TEKT1: variants seen among roughly 807,000 people sequenced by gnomAD.
TEKT1 encodes the protein tektin 1, also known as tektin-1.
Under a neutral mutation model 34.8 loss-of-function variants are expected in TEKT1, and 32 were observed. That is an observed-to-expected ratio of 0.92 (90% CI 0.69 to 1.23). TEKT1 has a LOEUF of 1.23. Among genes scored for constraint, TEKT1 ranks in the 50% most tolerant of loss-of-function variants. The pLI is 0.00. For missense variants in TEKT1, 492 were observed against 518.5 expected, an observed-to-expected ratio of 0.95 and a Z score of 0.50; for synonymous variants, 207 against 199.8, an observed-to-expected ratio of 1.04 and a Z score of -0.30.
chr17:6,814,330 A>T (rs1976972590), intron 5 of TEKT1, among the ~76,000 whole-genome samples: 1 of 152,222 alleles, frequency 6.6e-6, no homozygotes, highest in African/African-American at 2.4e-5. Context: ...TTCTATATGT[A>T]TGTTTTATTT....
At chr17:6,823,740 C>G (rs569891816) in intron 2 of TEKT1, among the ~76,000 whole-genome samples, 2 of 151,510 alleles carry the variant, frequency 1.3e-5, no homozygotes, top group East Asian at 3.9e-4. Flanking sequence ...TTTATTTTGG[C>G]TCAGCTCTCA....
At chr17:6,819,763 C>A (rs1188477945) in intron 2 of TEKT1, among the ~76,000 whole-genome samples, 1 of 152,228 alleles carries the variant, frequency 6.6e-6, no homozygotes, top group Non-Finnish European at 1.5e-5. Context: ...TCTCTGCTCA[C>A]TGCAAGCTCT....
At chr17:6,812,402 C>G (rs1597788600) in intron 6 of TEKT1, among the ~76,000 whole-genome samples, 1 of 152,182 alleles carries the variant, frequency 6.6e-6, no homozygotes, top group East Asian at 1.9e-4. Context: ...AAGCTCCAAC[C>G]GGGTTTGGAA....
chr17:6,826,987 G>A (rs949173701), intron 2 of TEKT1, among the ~76,000 whole-genome samples: 5 of 152,196 alleles, frequency 3.3e-5, no homozygotes, highest in Non-Finnish European at 5.9e-5. Flanking sequence ...AAGCCACGGC[G>A]CCTGGCCAAG....
chr17:6,821,620 G>C (rs971462596), intron 2 of TEKT1, among the ~76,000 whole-genome samples: 1 of 152,220 alleles, frequency 6.6e-6, no homozygotes, highest in African/African-American at 2.4e-5. Context: ...TGACTTTGGA[G>C]CTGGGTTAAC....
chr17:6,831,319 C>T (rs1436490181), intron 1 of TEKT1, among the ~76,000 whole-genome samples: 1 of 152,206 alleles, frequency 6.6e-6, no homozygotes, highest in Non-Finnish European at 1.5e-5. Flanking sequence ...TGAGTCCCTG[C>T]TCTTAGGGGC....
chr17:6,808,022 G>A (rs965060695), intron 6 of TEKT1, among the ~76,000 whole-genome samples: 1 of 152,216 alleles, frequency 6.6e-6, no homozygotes, highest in Non-Finnish European at 1.5e-5. Context: ...TAAGTCTGCA[G>A]AGGATTCTGC....
rs752475109 is a variant in TEKT1 at position 6,809,330 on chromosome 17, CA to C, written c.852+3500del. ...CACTGCAACCTCTGCCTCCTAGGTT[CA>C]AGCAATTCTCCTGCCTCAGCCTCCC... On this transcript the variant is annotated intron_variant, in intron 6 of 7. Transcript: ENST00000338694. Among the ~76,000 whole-genome samples the C allele has an allele frequency of 3.4e-4, 52 of 152,290 alleles. 2 individuals carry two copies. In the East Asian group the frequency reaches 9.8e-3, roughly 29 times the overall value.
chr17:6,812,071 C>A (rs998375587), intron 6 of TEKT1, among the ~76,000 whole-genome samples: 1 of 151,962 alleles, frequency 6.6e-6, no homozygotes, highest in South Asian at 2.1e-4. Flanking sequence ...GCAGCTTCCC[C>A]CATGCTGTTC....
At chr17:6,813,461 A>T (rs1481672494) in intron 5 of TEKT1, among the ~76,000 whole-genome samples, 5 of 152,152 alleles carry the variant, frequency 3.3e-5, no homozygotes, top group Admixed American at 6.5e-5. Flanking sequence ...AGATTTAAAT[A>T]AAAAAGTGAA....
rs1237149609 is a variant in TEKT1, at chr17:6,799,920, G to A, written c.*107C>T. 4 of 1,118,754 alleles carry A rather than the reference G, an allele frequency of 3.6e-6. No individual in the cohort carries two copies. The highest frequency in any genetic ancestry group is 3.3e-5 in the South Asian group (2 of 60,880). 69.3% of individuals were successfully genotyped at this position (1,118,754 alleles called of 1,614,324 possible). A position where few individuals can be genotyped will look rare whatever the true frequency, so the allele number is the denominator to read the frequency against. On this transcript the variant is annotated 3_prime_UTR_variant, in exon 8 of 8. Coordinates refer to ENST00000338694, the MANE Select transcript of TEKT1 (RefSeq NM_053285.2). Reference sequence around the variant, plus strand: ...GCAGGCTTGGAATGCCAGCCAAGAGGTTGCAGCAGGCTGGCTAGAGGCCCC... The same window carrying A: ...GCAGGCTTGGAATGCCAGCCAAGAGATTGCAGCAGGCTGGCTAGAGGCCCC...
At chr17:6,825,110 T>C (rs1397424843) in intron 2 of TEKT1, among the ~76,000 whole-genome samples, 5 of 152,040 alleles carry the variant, frequency 3.3e-5, no homozygotes, top group Admixed American at 1.3e-4. Flanking sequence ...GCATCCATAA[T>C]AGAGAAGAGG....
intron 5 of TEKT1, among the ~76,000 whole-genome samples, chr17:6,814,470 T>C (rs77528189): frequency 0.044 from 6,757 of 152,288 alleles, 218 homozygotes; most frequent in Admixed American, 0.064. Flanking sequence ...AAGTTTACCG[T>C]ATGTGTGTGA....
chr17:6,798,458 A>G lies in TEKT1; in HGVS notation c.*1569T>C, dbSNP rs1386219893. ...TCTGCCCAGTGAGCTGGGAAGGCTT[A>G]TTTGGACTCTTCCGAGCCAGAGCAG... On this transcript the variant is annotated 3_prime_UTR_variant, in exon 8 of 8. Coordinates refer to ENST00000338694, the MANE Select transcript of TEKT1 (RefSeq NM_053285.2). 6.6e-6 allele frequency: 1 copy of G among 152,226 alleles called. No individual in the cohort carries two copies. The highest frequency in any genetic ancestry group is 2.4e-5 in the African/African-American group (1 of 41,432). The allele number at this position is 152,226 out of a possible 1,614,324, so 9.4% of individuals were successfully genotyped here.
intron 6 of TEKT1, among the ~76,000 whole-genome samples, chr17:6,801,469 G>T (rs1400144834): frequency 6.6e-6 from 1 of 152,126 alleles, no homozygotes; most frequent in Non-Finnish European, 1.5e-5. Flanking sequence ...CAGCACTTTG[G>T]GAGGCTGAGG....
intron 6 of TEKT1, among the ~76,000 whole-genome samples, chr17:6,809,222 A>C (rs1375722420): frequency 2.0e-5 from 3 of 151,944 alleles, no homozygotes; most frequent in Middle Eastern, 3.4e-3. Context: ...ACAATCTATG[A>C]GTTTTGTTTG....
intron 7 of TEKT1, 81 bp from the exon 8 acceptor site, chr17:6,800,315 C>G: frequency 7.6e-7 from 1 of 1,311,292 alleles, no homozygotes; most frequent in African/African-American, 1.5e-5. Flanking sequence ...CCCCAGTGTT[C>G]AGTGCAGGAG....
At chr17:6,826,002 C>A (rs551129825) in intron 2 of TEKT1, among the ~76,000 whole-genome samples, 2 of 152,370 alleles carry the variant, frequency 1.3e-5, no homozygotes, top group East Asian at 3.9e-4. Flanking sequence ...ATGTCTTCAA[C>A]TGTAGTCAAT....
At chr17:6,802,474 A>ATTTTATTT (rs1976787668) in intron 6 of TEKT1, among the ~76,000 whole-genome samples, 1 of 151,202 alleles carries the variant, frequency 6.6e-6, no homozygotes, top group Non-Finnish European at 1.5e-5. Flanking sequence ...TTTAAGGTGA[A>ATTTTATTT]TTTTATTTTT....
Sources: allele counts gnomAD v4.1 joint callset (sites outside exome capture counted in the v4.1 genomes callset), GRCh38; gene constraint gnomAD v4.1.1; transcripts MANE v1.5; gene names NCBI Gene and HGNC (gene_info 2026-07-23, HGNC 2026-07-21).